The following BST1 variants were observed in gnomAD, a reference collection of about 807,000 sequenced individuals.
BST1 encodes the protein bone marrow stromal cell antigen 1.
Under a neutral mutation model 40.6 loss-of-function variants are expected in BST1, and 49 were observed. The ratio of observed to expected loss-of-function variants is 1.21; its 90% CI spans 0.96 to 1.53. The LOEUF is 1.53. Ranked by LOEUF, BST1 falls within the 40% of genes most tolerant of loss-of-function variation. The pLI, the probability that BST1 is intolerant of heterozygous loss-of-function variation, is 0.00. For missense variants in BST1, 423 were observed against 395.9 expected (o/e 1.07, Z -0.58); for synonymous variants, 157 against 159.3 (o/e 0.99, Z 0.11).
downstream of BST1, among the ~76,000 whole-genome samples, chr4:15,741,105 T>C (rs1379972278): frequency 7.7e-6 from 1 of 130,190 alleles, no homozygotes; most frequent in Non-Finnish European, 1.5e-5. Context: ...CGACAAAAGA[T>C]TGAATTTGGC....
chr4:15,732,981 T>C (rs1721437715), downstream of BST1, among the ~76,000 whole-genome samples: 1 of 152,198 alleles, frequency 6.6e-6, no homozygotes, highest in Non-Finnish European at 1.5e-5. Context: ...ACTTCAAGAA[T>C]GAAGCTGCGG....
intron 2 of BST1, 28 bp downstream of exon 2, chr4:15,705,669 CTG>C: frequency 1.2e-6 from 2 of 1,611,642 alleles, no homozygotes; most frequent in Non-Finnish European, 8.5e-7. Flanking sequence ...TTGGGTAAAA[CTG>C]TGTTCTCTGT....
chr4:15,704,371 G>C (rs946666166), intron 1 of BST1, among the ~76,000 whole-genome samples: 1 of 148,226 alleles, frequency 6.7e-6, no homozygotes, highest in Non-Finnish European at 1.5e-5. Flanking sequence ...TTCTAGAAGT[G>C]AGAGGTGTGT....
At chr4:15,728,027 C>T (rs1248265729) in intron 8 of BST1, among the ~76,000 whole-genome samples, 3 of 151,478 alleles carry the variant, frequency 2.0e-5, no homozygotes, top group African/African-American at 7.3e-5. Flanking sequence ...TAATATTGGC[C>T]AAAAATTCAG....
chr4:15,725,940 G>A (rs1316935835), intron 8 of BST1, among the ~76,000 whole-genome samples: 3 of 138,040 alleles, frequency 2.2e-5, no homozygotes, highest in East Asian at 2.3e-4. Flanking sequence ...TACTTGTGAA[G>A]TGCGGTCTTT....
chr4:15,717,373 G>C (rs1004159202), intron 6 of BST1, among the ~76,000 whole-genome samples: 1 of 152,076 alleles, frequency 6.6e-6, no homozygotes, highest in African/African-American at 2.4e-5. Flanking sequence ...CCCATTTCAT[G>C]TAAACTCAGG....
At chr4:15,770,582 C>T in the BST1 span, among the ~76,000 whole-genome samples, 1 of 152,240 alleles carries the variant, frequency 6.6e-6, no homozygotes, top group Admixed American at 6.5e-5. Context: ...GCACGTGCCT[C>T]CCAGCTACTC....
chr4:15,744,370 C>G, the BST1 span, among the ~76,000 whole-genome samples: 1 of 152,142 alleles, frequency 6.6e-6, no homozygotes, highest in Non-Finnish European at 1.5e-5. Flanking sequence ...AGCAAGGCAC[C>G]TTCTTCACAA....
intron 1 of BST1, among the ~76,000 whole-genome samples, chr4:15,703,713 TGG>T (rs140146676): frequency 0.011 from 1,188 of 104,356 alleles, 9 homozygotes; most frequent in South Asian, 0.02. Flanking sequence ...GCTCTAGAGG[TGG>T]GGGTGTGTGT....
chr4:15,720,734 T>C lies in BST1; in HGVS notation c.791+1741T>C, dbSNP rs548695040. Among the ~76,000 whole-genome samples, 3 of 151,964 alleles carry C rather than the reference T, an allele frequency of 2.0e-5. No homozygotes were observed. In the South Asian group the frequency reaches 6.2e-4, roughly 32 times the overall value. ...TGAGCCCAGGAGTTCAAGGGAACAG[T>C]GAGCTATGATGGTGCCACTGCACTC... On this transcript the variant is annotated intron_variant, in intron 7 of 8. Transcript: ENST00000265016.
At chr4:15,709,230 A>T (rs375199833) in intron 3 of BST1, among the ~76,000 whole-genome samples, 3 of 152,310 alleles carry the variant, frequency 2.0e-5, no homozygotes, top group African/African-American at 7.2e-5. Flanking sequence ...TGATAAGCTG[A>T]TATTTGAACA....
the BST1 span, among the ~76,000 whole-genome samples, chr4:15,769,454 G>T: frequency 6.6e-6 from 1 of 152,170 alleles, no homozygotes; most frequent in Non-Finnish European, 1.5e-5. Context: ...GCTTTCCCAG[G>T]GAAATTGGCT....
intron 8 of BST1, among the ~76,000 whole-genome samples, chr4:15,726,207 C>T (rs1474772823): frequency 2.1e-5 from 3 of 141,004 alleles, no homozygotes; most frequent in African/African-American, 5.5e-5. Context: ...CATTCTTTAG[C>T]GCCTCCCACC....
At chr4:15,720,843 AAAC>A (rs1315079140) in intron 7 of BST1, among the ~76,000 whole-genome samples, 2 of 152,136 alleles carry the variant, frequency 1.3e-5, no homozygotes, top group African/African-American at 2.4e-5. Context: ...ACAAACAAAC[AAAC>A]AACAACAACA....
intron 8 of BST1, among the ~76,000 whole-genome samples, 158 bp downstream of exon 8, chr4:15,723,092 A>T (rs1292727376): frequency 1.3e-5 from 2 of 152,166 alleles, no homozygotes; most frequent in Admixed American, 1.3e-4. Context: ...TATCTGTCTT[A>T]GTTTTTGTAC....
downstream of BST1, among the ~76,000 whole-genome samples, chr4:15,734,316 T>G (rs951707412): frequency 6.6e-6 from 1 of 152,184 alleles, no homozygotes; most frequent in Non-Finnish European, 1.5e-5. Flanking sequence ...CTCATGGCCC[T>G]GTACATGAAA....
chr4:15,756,978 T>C, the BST1 span, among the ~76,000 whole-genome samples: 1 of 152,268 alleles, frequency 6.6e-6, no homozygotes, highest in African/African-American at 2.4e-5. Flanking sequence ...ATGCCTATTG[T>C]AAATTGAAAG....
the BST1 span, among the ~76,000 whole-genome samples, chr4:15,746,324 A>T: frequency 6.6e-6 from 1 of 152,206 alleles, no homozygotes; most frequent in South Asian, 2.1e-4. Flanking sequence ...AAGCCCTTGC[A>T]TTACACTTGT....
At chr4:15,753,292 G>C in the BST1 span, among the ~76,000 whole-genome samples, 1 of 152,186 alleles carries the variant, frequency 6.6e-6, no homozygotes, top group Non-Finnish European at 1.5e-5. Context: ...TGTCAGAGCT[G>C]ATAGCATGGG....
Sources: allele counts gnomAD v4.1 joint callset (sites outside exome capture counted in the v4.1 genomes callset), GRCh38; gene constraint gnomAD v4.1.1; transcripts MANE v1.5; gene names NCBI Gene and HGNC (gene_info 2026-07-23, HGNC 2026-07-21).